DIP2B: variants seen among roughly 807,000 people sequenced by gnomAD.
DIP2B encodes the protein disco-interacting protein 2 homolog B.
DIP2B carries 76 observed loss-of-function variants against 198.0 expected under a neutral mutation model. The ratio of observed to expected loss-of-function variants is 0.38; its 90% confidence interval spans 0.32 to 0.46. The LOEUF (loss-of-function observed/expected upper bound fraction) is 0.46, where lower values mean the gene tolerates loss of function less well. Among genes scored for constraint, DIP2B ranks in the 20% least tolerant of loss-of-function variants. The probability of loss-of-function intolerance (pLI) is 0.99; values close to 1 mark genes in which losing one functional copy is unlikely to be tolerated. For missense variants in DIP2B, 1,559 were observed against 1,978.4 expected (o/e 0.79, Z 4.02); for synonymous variants, 701 against 739.1 (o/e 0.95, Z 0.84).
Position 50,664,830 on chromosome 12 carries a change from G to GTTTTTTTTTTTTTTTTTTTTTTTTTTTT in DIP2B, c.427+4516_427+4517insTTTTTTTTTTTTTTTTTTTTTTTTTTTT. On this transcript the variant is annotated intron_variant, in intron 4 of 37. Transcript: ENST00000301180. Reference sequence around the variant, plus strand: ...CAAGGAGAATTTCCCTCCTTTTTTGGTTTTTGTTTTTTTTTTTTTTTTTTT... The same window carrying GTTTTTTTTTTTTTTTTTTTTTTTTTTTT: ...CAAGGAGAATTTCCCTCCTTTTTTGGTTTTTTTTTTTTTTTTTTTTTTTTTTTTTTTTTGTTTTTTTTTTTTTTTTTTT... Among the ~76,000 whole-genome samples the GTTTTTTTTTTTTTTTTTTTTTTTTTTTT allele has an allele frequency of 2.0e-5, 2 of 99,686 alleles. 1 individual carries two copies. Among genetic ancestry groups the GTTTTTTTTTTTTTTTTTTTTTTTTTTTT allele is most frequent in the African/African-American group, 8.3e-5 (2 of 23,964 alleles). The allele number at this position is 99,686 out of a possible 152,430, so 65.4% of individuals were successfully genotyped here.
intron 2 of DIP2B, among the ~76,000 whole-genome samples, chr12:50,636,739 A>G (rs1025025359): frequency 1.3e-5 from 2 of 152,132 alleles, no homozygotes; most frequent in Admixed American, 6.5e-5. Flanking sequence ...CAGGTACTCT[A>G]CTTGGACTCC....
chr12:50,664,836 G>GTTTTTT (rs1159665939), intron 4 of DIP2B, among the ~76,000 whole-genome samples: 1 of 15,926 alleles, frequency 6.3e-5, no homozygotes, highest in African/African-American at 1.4e-4. Context: ...TTTGGTTTTT[G>GTTTTTT]TTTTTTTTTT....
At chr12:50,614,872 G>GT (rs1565845635) in intron 1 of DIP2B, among the ~76,000 whole-genome samples, 1 of 152,164 alleles carries the variant, frequency 6.6e-6, no homozygotes, top group East Asian at 1.9e-4. Flanking sequence ...CCTTACTTGT[G>GT]TTTTTCCCTG....
intron 1 of DIP2B, among the ~76,000 whole-genome samples, chr12:50,518,413 G>A (rs2139348674): frequency 6.6e-6 from 1 of 152,112 alleles, no homozygotes; most frequent in East Asian, 1.9e-4. Context: ...TAGTAGAGAT[G>A]GACTTTCACC....
At position 50,721,253 on chromosome 12, in the gene DIP2B, A is replaced by G; in HGVS notation, c.3043-20A>G. 1 of 1,611,972 alleles carries G rather than the reference A, an allele frequency of 6.2e-7. No individual in the cohort carries two copies. Among genetic ancestry groups the G allele is most frequent in the Non-Finnish European group, 8.5e-7 (1 of 1,179,034 alleles). ...TTCCTTTCTGAGCTTTGACCCGCTT[A>G]TCCTTTCTGTTGTTTAAAGGGAACC... is the stretch of plus-strand genomic sequence containing the variant. On this transcript the variant is annotated intron_variant, in intron 25 of 37. Coordinates refer to ENST00000301180, the MANE Select transcript of DIP2B (RefSeq NM_173602.3).
intron 1 of DIP2B, among the ~76,000 whole-genome samples, chr12:50,619,371 A>G (rs1336745546): frequency 6.6e-6 from 1 of 152,228 alleles, no homozygotes; most frequent in African/African-American, 2.4e-5. Flanking sequence ...GCCAGTCAGC[A>G]GCAGAGTACA....
intron 1 of DIP2B, among the ~76,000 whole-genome samples, chr12:50,540,688 A>T (rs897781171): frequency 1.3e-5 from 2 of 151,530 alleles, no homozygotes; most frequent in African/African-American, 4.9e-5. Context: ...AGCTGGGACT[A>T]CAGGTGCCCG....
intron 22 of DIP2B, among the ~76,000 whole-genome samples, chr12:50,709,683 TC>T (rs1939578409): frequency 6.6e-6 from 1 of 151,430 alleles, no homozygotes; most frequent in Non-Finnish European, 1.5e-5. Flanking sequence ...GCACCTGTGA[TC>T]CCAGCTACTT....
chr12:50,671,239 T>C lies in DIP2B; in HGVS notation c.481T>C (p.Ser161Pro), dbSNP rs1938847718. ...EGSLRRQAAL[S>P]AALQQSLQNA... The stretch of plus-strand genomic sequence containing the variant: ...CTCTCTGAGACGCCAAGCTGCGCTC[T>C]CTGCTGCCTTGCAACAGAGCTTACA... Residue 161 changes from serine to proline, a missense_variant, in exon 5 of 38, where the codon TCT becomes CCT. Transcript: ENST00000301180. 6.2e-7 allele frequency: 1 copy of C among 1,614,096 alleles called. No homozygotes were observed. Among genetic ancestry groups the C allele is most frequent in the Admixed American group, 1.7e-5 (1 of 59,994 alleles).
intron 1 of DIP2B, among the ~76,000 whole-genome samples, chr12:50,571,170 CTT>C (rs71083599): frequency 1.3e-4 from 16 of 126,862 alleles, no homozygotes; most frequent in Admixed American, 1.6e-4. Context: ...TTGGCAGCCT[CTT>C]TTTTTTTTTT....
intron 19 of DIP2B, among the ~76,000 whole-genome samples, chr12:50,703,098 C>G (rs1034914260): frequency 1.3e-5 from 2 of 151,874 alleles, no homozygotes; most frequent in Admixed American, 6.6e-5. Context: ...TAACCCGCAC[C>G]TGTACTCCCA....
At chr12:50,605,734 A>G (rs550437482) in intron 1 of DIP2B, among the ~76,000 whole-genome samples, 2 of 152,176 alleles carry the variant, frequency 1.3e-5, no homozygotes, top group Admixed American at 6.5e-5. Context: ...TTCACTTACC[A>G]TGTTTTCAAG....
intron 1 of DIP2B, among the ~76,000 whole-genome samples, chr12:50,579,640 A>G (rs1228657272): frequency 4.5e-5 from 1 of 22,426 alleles, no homozygotes; most frequent in East Asian, 9.6e-4. Flanking sequence ...AAAAAAAAAA[A>G]AAAAATATAT....
rs182932292 is a variant in DIP2B, at chr12:50,692,505, C to T, written c.1655-444C>T. On this transcript the variant is annotated intron_variant, in intron 13 of 37. Coordinates refer to ENST00000301180, the MANE Select transcript of DIP2B (RefSeq NM_173602.3). ...AGTCCTCTACCCGTTTTGAGGAGAC[C>T]CTCAAAAACCCGTGAGAACTTTTAG... Among the ~76,000 whole-genome samples the T allele has an allele frequency of 2.3e-4, 35 of 152,160 alleles. 1 individual carries two copies. In the East Asian group the frequency reaches 5.4e-3, roughly 23 times the overall value.
intron 1 of DIP2B, among the ~76,000 whole-genome samples, chr12:50,558,757 C>T (rs977524550): frequency 2.0e-5 from 3 of 152,052 alleles, no homozygotes; most frequent in Non-Finnish European, 2.9e-5. Flanking sequence ...GGTAGATGAA[C>T]GATTACTGAC....
Position 50,703,063 on chromosome 12 carries a change from C to T in DIP2B, c.2326-1077C>T, listed in dbSNP as rs138757933. On this transcript the variant is annotated intron_variant, in intron 19 of 37. Transcript: ENST00000301180. ...ATGTAGCGAGACCCATCTCTACAAA[C>T]GAATTAAAAATTAGCTAGGCGTGGT... Among the ~76,000 whole-genome samples, 174 of 151,802 alleles carry T rather than the reference C, an allele frequency of 1.1e-3. 1 individual carries two copies. The highest frequency in any genetic ancestry group is 6.8e-3 in the Middle Eastern group (2 of 294).
chr12:50,576,074 CT>C (rs796750417), intron 1 of DIP2B, among the ~76,000 whole-genome samples: 69 of 141,032 alleles, frequency 4.9e-4, no homozygotes, highest in Non-Finnish European at 4.5e-4. Context: ...TTTTTTTTCA[CT>C]TTTTTTTTTT....
chr12:50,699,528 A>G (rs1279882644), intron 19 of DIP2B, among the ~76,000 whole-genome samples: 1 of 152,196 alleles, frequency 6.6e-6, no homozygotes, highest in South Asian at 2.1e-4. Flanking sequence ...GCTGTTGTGT[A>G]TCTGTTAGAT....
chr12:50,695,491 A>C, intron 15 of DIP2B, 131 bp downstream of exon 15: 1 of 883,326 alleles, frequency 1.1e-6, no homozygotes, highest in Non-Finnish European at 1.8e-6. Flanking sequence ...GTTACTACAG[A>C]ATTAGGTACC....
Sources: allele counts gnomAD v4.1 joint callset (sites outside exome capture counted in the v4.1 genomes callset), GRCh38; gene constraint gnomAD v4.1.1; transcripts MANE v1.5; gene names NCBI Gene and HGNC (gene_info 2026-07-23, HGNC 2026-07-21).